SPTBN5: variants seen among roughly 807,000 people sequenced by gnomAD.
The protein encoded by SPTBN5 is spectrin beta chain, non-erythrocytic 5.
Under a neutral mutation model 477.6 loss-of-function variants are expected in SPTBN5, and 513 were observed. The ratio of observed to expected loss-of-function variants is 1.07; its 90% CI spans 1.00 to 1.16. The LOEUF is 1.16. Ranked by LOEUF, SPTBN5 falls within the 50% of genes most tolerant of loss-of-function variation. The pLI is 0.00. For synonymous variants in SPTBN5, 2,169 were observed against 2,011.7 expected, an observed-to-expected ratio of 1.08 and a Z score of -2.09; for missense variants, 5,062 against 4,731.8, an observed-to-expected ratio of 1.07 and a Z score of -2.05.
intron 59 of SPTBN5, 35 bp from the exon 60 acceptor site, chr15:41,853,035 G>A (rs2065824656): frequency 6.8e-7 from 1 of 1,479,734 alleles, no homozygotes; most frequent in Non-Finnish European, 9.0e-7. Context: ...TGACAGCTTG[G>A]GTAGGGCTCC....
chr15:41,858,771 C>A, intron 48 of SPTBN5, 23 bp from the exon 49 acceptor site: 3 of 1,604,298 alleles, frequency 1.9e-6, no homozygotes, highest in African/African-American at 1.3e-5. Context: ...GGAGGACAGG[C>A]CTGCTGTCCA....
At chr15:41,853,061 A>T in intron 59 of SPTBN5, 61 bp from the exon 60 acceptor site, 1 of 1,455,642 alleles carries the variant, frequency 6.9e-7, no homozygotes. Flanking sequence ...TGGGCAGGGC[A>T]GGGCTGGAGA....
rs747496546 is a variant in SPTBN5 at position 41,876,284 on chromosome 15, C to G, written c.3952G>C (p.Glu1318Gln). Residue 1318 changes from glutamate (E) to glutamine (Q), a missense_variant and splice_region_variant, in exon 21 of 68, where the codon GAG (glutamate) becomes CAG (glutamine). Transcript: ENST00000320955. ...AGCTCTGCCACATCCTGCTTCCACT[C>G]CTGCCAAGAACCAGGCGAGAGTGGG... ...RQLLASLQLQ[E>Q]WKQDVAELMQ... The G allele has an allele frequency of 1.5e-5, 23 of 1,559,432 alleles. No individual in the cohort carries two copies.
Position 41,865,873 on chromosome 15 carries a change from G to A in SPTBN5, c.6853C>T (p.Gln2285Ter), listed in dbSNP as rs1424817180. 1.3e-6 allele frequency: 2 copies of A among 1,584,256 alleles called. No homozygotes were observed. The highest frequency in any genetic ancestry group is 1.3e-5 in the African/African-American group (1 of 74,230). The change falls in exon 39 of 68, where the codon CAG becomes TAG. Residue 2285 changes from glutamine to a stop codon, truncating the protein, a stop_gained. Transcript: ENST00000320955. LOFTEE classifies it high-confidence loss of function. The part of the protein sequence containing the change: ...EVKMNVGDLG[Q>*]DLEHCLQLRR... ...AGCTGCAGGCAGTGCTCCAGGTCCT[G>A]GCCCAGGTCACCAACATTCATCTTC...
In SPTBN5 at chr15:41,876,925, G is replaced by T. The variant is rs2066757467; in HGVS notation, c.3735C>A (p.Ser1245Arg). Residue 1245 changes from serine (S) to arginine (R), a missense_variant, in exon 19 of 68, where the codon AGC (serine) becomes AGA (arginine). Transcript: ENST00000320955. ...CAAACTCCCGGTGCTGCTGCAGCAG[G>T]CTCAGGGCCTCCCTCACGTCCTCCT... The part of the protein sequence containing the change: ...NLGEDVREAL[S>R]LLQQHREFGR... The T allele has an allele frequency of 1.9e-6, 3 of 1,609,200 alleles. No individual in the cohort carries two copies. Among genetic ancestry groups the T allele is most frequent in the Non-Finnish European group, 2.5e-6 (3 of 1,179,212 alleles).
At chr15:41,891,868 G>C (rs1326575373) in intron 3 of SPTBN5, among the ~76,000 whole-genome samples, 3 of 152,182 alleles carry the variant, frequency 2.0e-5, no homozygotes, top group Non-Finnish European at 4.4e-5. Flanking sequence ...TGGAGACAAG[G>C]ATGTCACCCT....
In SPTBN5 at chr15:41,881,058, A is replaced by G; in HGVS notation, c.2634T>C (p.Tyr878=). ...LQTQDHLSQD[Y]ESLRALAQLR... is the part of the protein sequence containing the mutation. Reference sequence around the variant, plus strand: ...CCTGTGCCAGGGCCCGCAGACTCTCATAGTCCTGACTCAAGTGGTCCTGTG... The same window carrying G: ...CCTGTGCCAGGGCCCGCAGACTCTCGTAGTCCTGACTCAAGTGGTCCTGTG... The change falls in exon 13 of 68, where the codon TAT becomes TAC. Residue 878 remains tyrosine, a synonymous_variant. Coordinates refer to ENST00000320955, the MANE Select transcript of SPTBN5 (RefSeq NM_016642.4). The G allele has an allele frequency of 2.5e-6, 4 of 1,599,422 alleles. No individual in the cohort carries two copies. The highest frequency in any genetic ancestry group is 3.4e-6 in the Non-Finnish European group (4 of 1,172,442).
intron 7 of SPTBN5, among the ~76,000 whole-genome samples, chr15:41,884,354 A>G (rs2067081564): frequency 6.6e-6 from 1 of 151,606 alleles, no homozygotes; most frequent in Non-Finnish European, 1.5e-5. Flanking sequence ...TCCTGACCTC[A>G]GGTGATCCAC....
chr15:41,862,090 C>A (rs540191439), intron 44 of SPTBN5, 40 bp downstream of exon 44: 2 of 1,404,244 alleles, frequency 1.4e-6, no homozygotes, highest in East Asian at 2.5e-5. Context: ...CAGGGCGGAG[C>A]TGAGAGCCTG....
At position 41,866,196 on chromosome 15, in the gene SPTBN5, G is replaced by C. The variant is rs560731989; in HGVS notation, c.6664C>G (p.Arg2222Gly). 3 of 1,585,408 alleles carry C rather than the reference G, an allele frequency of 1.9e-6. No individual in the cohort carries two copies. In the South Asian group the frequency reaches 3.4e-5, roughly 18 times the overall value. Residue 2222 changes from arginine to glycine, a missense_variant, in exon 38 of 68, where the codon CGA becomes GGA. Transcript: ENST00000320955. ...AGCCGCTGGGAGACCTCTCCGGCTC[G>C]AGGGTGACTCTGTGCCAGGAGAGCC... is the stretch of plus-strand genomic sequence containing the variant. ...GEALLAQSHP[R>G]AGEVSQRLQG... is the part of the protein sequence containing the mutation.
chr15:41,852,010 A>T, intron 62 of SPTBN5, 160 bp from the exon 63 acceptor site: 1 of 935,782 alleles, frequency 1.1e-6, no homozygotes, highest in African/African-American at 1.7e-5. Context: ...GGGCATGTTC[A>T]GGGTGGTATG....
At chr15:41,878,233 T>C (rs547086283) in intron 17 of SPTBN5, 109 bp downstream of exon 17, 577 of 1,352,432 alleles carry the variant, frequency 4.3e-4, no homozygotes, top group Admixed American at 7.9e-4. Context: ...TCTGGGCCCC[T>C]CCCTGGGGAA....
chr15:41,856,485 C>T lies in SPTBN5; in HGVS notation c.8922G>A (p.Val2974=), dbSNP rs2065932376. 6.3e-7 allele frequency: 1 copy of T among 1,595,878 alleles called. No individual in the cohort carries two copies. The highest frequency in any genetic ancestry group is 8.5e-7 in the Non-Finnish European group (1 of 1,172,534). Residue 2974 remains valine, a synonymous_variant, in exon 53 of 68, where the codon GTG becomes GTA. Coordinates refer to ENST00000320955, the MANE Select transcript of SPTBN5 (RefSeq NM_016642.4). Reference sequence around the variant, plus strand: ...GGGCCATGGCCTTCTCCAGCTGCTGCACCCGGGCGGCCACCTCGTGGGCGG... The same window carrying T: ...GGGCCATGGCCTTCTCCAGCTGCTGTACCCGGGCGGCCACCTCGTGGGCGG... ...HFAAHEVAAR[V]QQLEKAMAHL... is the part of the protein sequence containing the mutation.
rs766953041 is a variant in SPTBN5 at position 41,863,919 on chromosome 15, G to T, written c.7024C>A (p.Leu2342Ile). The T allele has an allele frequency of 3.7e-6, 6 of 1,613,842 alleles. No individual in the cohort carries two copies. Among genetic ancestry groups the T allele is most frequent in the South Asian group, 1.1e-5 (1 of 91,068 alleles). ...CAGCCTGGGACTGGCCTGTTGTTGAGCTGGCTTCGCCGCTGGCAGATGATC... is the reference window on the plus strand; with the variant it reads ...CAGCCTGGGACTGGCCTGTTGTTGATCTGGCTTCGCCGCTGGCAGATGATC... ...VKIICQRRSQLNNRWASFHGN... is the reference protein window; with the variant it reads ...VKIICQRRSQINNRWASFHGN... Residue 2342 changes from leucine (L) to isoleucine (I), a missense_variant, in exon 40 of 68, where the codon CTC (leucine) becomes ATC (isoleucine). Physicochemically the swap from Leu to Ile is conservative, Grantham distance 5. Transcript: ENST00000320955.
chr15:41,854,828 T>C lies in SPTBN5; in HGVS notation c.9572A>G (p.Glu3191Gly). The stretch of plus-strand genomic sequence containing the variant: ...TTGGTCCAACCTCTCCCAAGCAGCC[T>C]CAATGCGGCTCCTCTGGGCTTGGAT... ...PHIQAQRSRI[E>G]AAWERLDQAI... Residue 3191 changes from glutamate to glycine, a missense_variant, in exon 56 of 68, where the codon GAG becomes GGG. Coordinates refer to ENST00000320955, the MANE Select transcript of SPTBN5 (RefSeq NM_016642.4). The C allele has an allele frequency of 6.3e-7, 1 of 1,591,160 alleles. No individual in the cohort carries two copies. The highest frequency in any genetic ancestry group is 1.1e-5 in the South Asian group (1 of 87,554).
In SPTBN5 at chr15:41,851,283, C is replaced by T. The variant is rs1216037392; in HGVS notation, c.10743G>A (p.Glu3581=). 1.3e-6 allele frequency: 2 copies of T among 1,551,192 alleles called. No homozygotes were observed. The highest frequency in any genetic ancestry group is 2.4e-5 in the East Asian group (1 of 40,926). The stretch of plus-strand genomic sequence containing the variant: ...GCATCTCCCCTACCCCGCCTGGTAC[C>T]TCCGCTGCCATCCTCTCATCCAGGA... ...SLFLDERMAA[E]KVASIALLDL... is the part of the protein sequence containing the mutation. The change falls in exon 64 of 68, where the codon GAG becomes GAA. Residue 3581 remains glutamate, a splice_region_variant and synonymous_variant. Coordinates refer to ENST00000320955, the MANE Select transcript of SPTBN5 (RefSeq NM_016642.4).
At chr15:41,870,600 C>A in intron 29 of SPTBN5, 40 bp from the exon 30 acceptor site, 7 of 1,547,384 alleles carry the variant, frequency 4.5e-6, no homozygotes, top group Non-Finnish European at 6.2e-6. Flanking sequence ...GGATCAGCTG[C>A]CGGGCCGTGT....
Position 41,858,880 on chromosome 15 carries a change from C to A in SPTBN5, c.8079+10G>T, listed in dbSNP as rs746227062. 3 of 1,569,906 alleles carry A rather than the reference C, an allele frequency of 1.9e-6. No individual in the cohort carries two copies. The highest frequency in any genetic ancestry group is 1.2e-5 in the South Asian group (1 of 85,554). ...CACCATGACCGCCTCCCTCTCCAAG[C>A]GAGGCGAACCTCCTGGGAGTCCTGC... On this transcript the variant is annotated intron_variant, in intron 48 of 67. Coordinates refer to ENST00000320955, the MANE Select transcript of SPTBN5 (RefSeq NM_016642.4).
In SPTBN5 at chr15:41,854,043, G is replaced by T; in HGVS notation, c.9774+7C>A. The T allele has an allele frequency of 6.4e-7, 1 of 1,556,520 alleles. No individual in the cohort carries two copies. Among genetic ancestry groups the T allele is most frequent in the South Asian group, 1.2e-5 (1 of 85,000 alleles). ...CAGACAGGCAGGCTGCAGGGCGTGG[G>T]CCTCACCTCCAGGCGCCTGTGCTGT... On this transcript the variant is annotated splice_region_variant and intron_variant, in intron 57 of 67. Coordinates refer to ENST00000320955, the MANE Select transcript of SPTBN5 (RefSeq NM_016642.4).
Sources: gnomAD v4.1 joint callset for allele counts (sites outside exome capture counted in the v4.1 genomes callset) on GRCh38, gnomAD v4.1.1 for gene constraint, MANE v1.5 for transcripts, NCBI Gene and HGNC (gene_info 2026-07-23, HGNC 2026-07-21) for gene names.